ENTPD1: variants seen among roughly 807,000 people sequenced by gnomAD.
The protein encoded by ENTPD1 is ATP diphosphohydrolase.
ENTPD1 carries 33 observed loss-of-function variants against 57.0 expected under a neutral mutation model. That is an observed-to-expected ratio of 0.58 (90% CI 0.44 to 0.77). ENTPD1 has a LOEUF of 0.77. ENTPD1 is among the 30% of genes least tolerant of loss of function. The probability of loss-of-function intolerance (pLI) is 0.00; values close to 1 mark genes in which losing one functional copy is unlikely to be tolerated. For missense variants in ENTPD1, 501 were observed against 603.4 expected, an observed-to-expected ratio of 0.83 and a Z score of 1.78; for synonymous variants, 202 against 218.8, an observed-to-expected ratio of 0.92 and a Z score of 0.68.
intron 2 of ENTPD1, among the ~76,000 whole-genome samples, chr10:95,826,040 A>G (rs780442892): frequency 5.9e-5 from 9 of 152,218 alleles, no homozygotes; most frequent in Non-Finnish European, 1.2e-4. Flanking sequence ...AAAATAAAAA[A>G]TATTCATTGT....
Position 95,774,154 on chromosome 10 carries a change from A to G in ENTPD1, c.16+17899A>G, listed in dbSNP as rs375944547. On this transcript the variant is annotated intron_variant, in intron 1 of 9. Coordinates refer to ENST00000371205, the MANE Select transcript of ENTPD1 (RefSeq NM_001776.6). ...CTTCTTTTGAGAAGTGTCTGTTCAT[A>G]TCCTTTGCCCACTTTTCGATGGAGT... Among the ~76,000 whole-genome samples the G allele has an allele frequency of 1.9e-3, 292 of 152,304 alleles. 4 individuals are homozygous for G. The Middle Eastern group carries it at 0.027, about 14-fold the overall frequency.
At chr10:95,788,913 T>C (rs1388652469) in intron 1 of ENTPD1, among the ~76,000 whole-genome samples, 1 of 152,158 alleles carries the variant, frequency 6.6e-6, no homozygotes, top group African/African-American at 2.4e-5. Flanking sequence ...TTGAGAAGAA[T>C]GGTTAGAAGC....
At chr10:95,773,204 C>A (rs2098121502) in intron 1 of ENTPD1, among the ~76,000 whole-genome samples, 3 of 152,184 alleles carry the variant, frequency 2.0e-5, no homozygotes, top group African/African-American at 7.2e-5. Flanking sequence ...GACCAAACAC[C>A]TCCCATTTGG....
At chr10:95,851,238 ATATTTATATT>A (rs1233525913) in intron 7 of ENTPD1, among the ~76,000 whole-genome samples, 3 of 151,762 alleles carry the variant, frequency 2.0e-5, no homozygotes, top group Admixed American at 6.6e-5. Context: ...GTGTATATTT[ATATTTATATT>A]TATTTATATT....
At chr10:95,842,748 G>T (rs1374206783) in intron 4 of ENTPD1, among the ~76,000 whole-genome samples, 2 of 152,150 alleles carry the variant, frequency 1.3e-5, no homozygotes, top group East Asian at 3.8e-4. Flanking sequence ...AGGGGAAGGG[G>T]CACAGGGAGA....
At chr10:95,740,949 C>A (rs1173688668) in intron 1 of ENTPD1, among the ~76,000 whole-genome samples, 2 of 152,176 alleles carry the variant, frequency 1.3e-5, no homozygotes, top group Non-Finnish European at 2.9e-5. Context: ...CTGGTTTGAT[C>A]TTCTATCCAG....
intron 7 of ENTPD1, among the ~76,000 whole-genome samples, chr10:95,855,574 C>G (rs558133596): frequency 0.012 from 1,826 of 152,178 alleles, 21 homozygotes; most frequent in Non-Finnish European, 0.016. Context: ...GTGGCTGGTA[C>G]CAGTTGTTCC....
the ENTPD1 span, among the ~76,000 whole-genome samples, chr10:95,700,208 A>G: frequency 6.6e-6 from 1 of 152,248 alleles, no homozygotes; most frequent in African/African-American, 2.4e-5. Context: ...CTTGGAAATT[A>G]AAACTATTAA....
chr10:95,862,506 T>G (rs2098467072), intron 8 of ENTPD1, among the ~76,000 whole-genome samples: 1 of 152,254 alleles, frequency 6.6e-6, no homozygotes, highest in African/African-American at 2.4e-5. Flanking sequence ...CTGTGCTTTA[T>G]GCATATCCTA....
At position 95,868,077 on chromosome 10, in the gene ENTPD1, G is replaced by A. The variant is rs1330386921; in HGVS notation, c.*1694G>A. 9.1e-6 allele frequency: 9 copies of A among 984,022 alleles called. No individual in the cohort carries two copies. The highest frequency in any genetic ancestry group is 1.1e-5 in the Non-Finnish European group (9 of 828,772). The allele number at this position is 984,022 out of a possible 1,614,324, so 61.0% of individuals were successfully genotyped here. ...GGTGTACCACGCTGTGTGCTCAAGGGTATTACATTCATCTTCTCATTTAAT... is the reference window on the plus strand; with the variant it reads ...GGTGTACCACGCTGTGTGCTCAAGGATATTACATTCATCTTCTCATTTAAT... On this transcript the variant is annotated 3_prime_UTR_variant, in exon 10 of 10. Coordinates refer to ENST00000371205, the MANE Select transcript of ENTPD1 (RefSeq NM_001776.6).
intron 9 of ENTPD1, among the ~76,000 whole-genome samples, chr10:95,865,756 T>G (rs2098473163): frequency 6.6e-6 from 1 of 152,188 alleles, no homozygotes. Context: ...GTAGTCATGA[T>G]GTATGTGTGT....
At chr10:95,716,764 C>A (rs1010360261) in intron 1 of ENTPD1, among the ~76,000 whole-genome samples, 1 of 152,210 alleles carries the variant, frequency 6.6e-6, no homozygotes, top group Non-Finnish European at 1.5e-5. Flanking sequence ...AAATAAACTT[C>A]TTTTTAAAAT....
In ENTPD1 at chr10:95,866,189, G is replaced by A. The variant is rs1312380068; in HGVS notation, c.1339G>A (p.Asp447Asn). The change falls in exon 10 of 10, where the codon GAC (aspartate) becomes AAC (asparagine). Residue 447 changes from aspartate (D) to asparagine (N), a missense_variant. Physicochemically the swap from Asp to Asn is conservative, Grantham distance 23. Coordinates refer to ENST00000371205, the MANE Select transcript of ENTPD1 (RefSeq NM_001776.6). ...IHFIGKIQGS[D>N]AGWTLGYMLN... ...CCACTGTTTGCAGATCCAGGGCAGC[G>A]ACGCCGGCTGGACTTTGGGCTACAT... 10 of 1,613,616 alleles carry A rather than the reference G, an allele frequency of 6.2e-6. No homozygotes were observed. The highest frequency in any genetic ancestry group is 4.0e-5 in the African/African-American group (3 of 74,916).
intron 1 of ENTPD1, among the ~76,000 whole-genome samples, chr10:95,737,760 T>G (rs1289399117): frequency 6.6e-6 from 1 of 152,220 alleles, no homozygotes; most frequent in Non-Finnish European, 1.5e-5. Flanking sequence ...AATTTTGTTT[T>G]GTATTTATTT....
rs192846880 is a variant in ENTPD1 at position 95,853,197 on chromosome 10, T to C, written c.1074+5491T>C. ...TATTTTATTCTCTTTGAAGCAATTG[T>C]GAATGGGAGTTCACTCATAATTTGG... On this transcript the variant is annotated intron_variant, in intron 7 of 9. Coordinates refer to ENST00000371205, the MANE Select transcript of ENTPD1 (RefSeq NM_001776.6). Among the ~76,000 whole-genome samples the C allele has an allele frequency of 4.1e-3, 623 of 152,336 alleles. 3 individuals carry two copies. The highest frequency in any genetic ancestry group is 6.8e-3 in the Middle Eastern group (2 of 294).
intron 1 of ENTPD1, among the ~76,000 whole-genome samples, chr10:95,748,163 G>A (rs996051328): frequency 5.3e-5 from 8 of 152,140 alleles, no homozygotes; most frequent in Non-Finnish European, 1.0e-4. Context: ...GTGAGCCACC[G>A]CACCCGGCCC....
the ENTPD1 span, among the ~76,000 whole-genome samples, chr10:95,696,895 CT>C: frequency 6.6e-6 from 1 of 152,154 alleles, no homozygotes; most frequent in Admixed American, 6.5e-5. Context: ...AAGTTCTGTC[CT>C]TTTCCCACTT....
chr10:95,747,883 T>C (rs905998760), intron 1 of ENTPD1, among the ~76,000 whole-genome samples: 1 of 152,138 alleles, frequency 6.6e-6, no homozygotes, highest in African/African-American at 2.4e-5. Context: ...TGATTTTTTT[T>C]TTTTTTGAAG....
intron 1 of ENTPD1, among the ~76,000 whole-genome samples, chr10:95,787,628 A>G (rs1589828148): frequency 6.6e-6 from 1 of 152,208 alleles, no homozygotes; most frequent in Non-Finnish European, 1.5e-5. Flanking sequence ...TACAAATGAC[A>G]GAGCTGGGAC....
Sources: allele counts gnomAD v4.1 joint callset (sites outside exome capture counted in the v4.1 genomes callset), GRCh38; gene constraint gnomAD v4.1.1; transcripts MANE v1.5; gene names NCBI Gene and HGNC (gene_info 2026-07-23, HGNC 2026-07-21).